Variants in PIKFYVE observed in about 807,000 individuals in gnomAD.
PIKFYVE encodes 1-phosphatidylinositol 3-phosphate 5-kinase.
PIKFYVE carries 122 observed loss-of-function variants against 257.9 expected under a neutral mutation model. The observed-to-expected ratio is 0.47, with a 90% confidence interval of 0.41 to 0.55. The LOEUF (loss-of-function observed/expected upper bound fraction) is 0.55, where lower values mean the gene tolerates loss of function less well. Ranked by LOEUF, PIKFYVE falls within the 20% of genes least tolerant of loss-of-function variation. The probability of loss-of-function intolerance (pLI) is 0.00; values close to 1 mark genes in which losing one functional copy is unlikely to be tolerated. For missense variants in PIKFYVE, 2,160 were observed against 2,536.6 expected (o/e 0.85, Z 3.19); for synonymous variants, 892 against 868.9 (o/e 1.03, Z -0.47).
At chr2:208,324,111 A>T in intron 17 of PIKFYVE, 31 bp from the exon 18 acceptor site, 1 of 1,603,942 alleles carries the variant, frequency 6.2e-7, no homozygotes, top group Non-Finnish European at 8.5e-7. Context: ...GCATTTTACC[A>T]GGTGTAATAT....
chr2:208,311,814 G>A (rs1694964610), intron 12 of PIKFYVE, among the ~76,000 whole-genome samples: 1 of 152,120 alleles, frequency 6.6e-6, no homozygotes, highest in Admixed American at 6.5e-5. Flanking sequence ...TATCAGGTGG[G>A]TTCTGTATGA....
intron 12 of PIKFYVE, 126 bp from the exon 13 acceptor site, chr2:208,312,110 G>A: frequency 1.4e-6 from 1 of 723,624 alleles, no homozygotes; most frequent in Non-Finnish European, 2.4e-6. Context: ...AATTTGCCGG[G>A]CAGTGATGGG....
At chr2:208,298,844 TC>T in intron 8 of PIKFYVE, 65 bp downstream of exon 8, 7 of 1,583,732 alleles carry the variant, frequency 4.4e-6, no homozygotes, top group Non-Finnish European at 6.1e-6. Flanking sequence ...TGTGACTGAG[TC>T]TTTTTTTTTC....
At chr2:208,284,051 G>T (rs1691204621) in intron 5 of PIKFYVE, among the ~76,000 whole-genome samples, 2 of 151,996 alleles carry the variant, frequency 1.3e-5, no homozygotes, top group Non-Finnish European at 2.9e-5. Context: ...AAAATTTTAG[G>T]TGGAATTATT....
intron 16 of PIKFYVE, among the ~76,000 whole-genome samples, chr2:208,318,236 G>A (rs952181835): frequency 1.3e-5 from 2 of 152,172 alleles, no homozygotes; most frequent in Admixed American, 6.5e-5. Context: ...ATCCTGTTAC[G>A]TCTTAGGGAG....
chr2:208,336,335 CT>C (rs1698138478), intron 27 of PIKFYVE, 135 bp downstream of exon 27: 3 of 937,140 alleles, frequency 3.2e-6, no homozygotes, highest in Non-Finnish European at 4.9e-6. Context: ...TTTCCTGTCA[CT>C]CTCCTTTCCT....
At position 208,304,157 on chromosome 2, in the gene PIKFYVE, C is replaced by T. The variant is rs770340064; in HGVS notation, c.1321-14C>T. On this transcript the variant is annotated splice_polypyrimidine_tract_variant and intron_variant, in intron 10 of 41. Coordinates refer to ENST00000264380, the MANE Select transcript of PIKFYVE (RefSeq NM_015040.4). ...TGAAGGCCAATTGCTTGGATCCTGTCTTCATCCTTTCAGAGTACAGAATTT... is the reference window on the plus strand; with the variant it reads ...TGAAGGCCAATTGCTTGGATCCTGTTTTCATCCTTTCAGAGTACAGAATTT... The T allele has an allele frequency of 3.7e-6, 6 of 1,613,846 alleles. No individual in the cohort carries two copies. The Admixed American group carries it at 1.0e-4, about 27-fold the overall frequency.
At chr2:208,301,186 G>A in intron 9 of PIKFYVE, 92 bp downstream of exon 9, 3 of 1,472,020 alleles carry the variant, frequency 2.0e-6, no homozygotes, top group Non-Finnish European at 2.8e-6. Context: ...TTTCTTTGTA[G>A]AGTTAGGGTG....
At chr2:208,278,598 C>T (rs1559394329) in intron 5 of PIKFYVE, among the ~76,000 whole-genome samples, 2 of 152,114 alleles carry the variant, frequency 1.3e-5, no homozygotes, top group East Asian at 3.9e-4. Flanking sequence ...CTATTGTTGC[C>T]ATCTTTATGT....
At position 208,336,948 on chromosome 2, in the gene PIKFYVE, C is replaced by G; in HGVS notation, c.4611+20C>G. 2 of 1,549,368 alleles carry G rather than the reference C, an allele frequency of 1.3e-6. No homozygotes were observed. The highest frequency in any genetic ancestry group is 1.8e-6 in the Non-Finnish European group (2 of 1,122,260). On this transcript the variant is annotated intron_variant, in intron 28 of 41. Transcript: ENST00000264380. ...AGCAAGGTATGAAATGTAGTCTTGT[C>G]TTTGGTCCTTAATCAATAGAAATAT...
At chr2:208,305,221 C>T (rs963528870) in intron 12 of PIKFYVE, 31 of 1,457,690 alleles carry the variant, frequency 2.1e-5, no homozygotes, top group African/African-American at 2.8e-5. Context: ...TCTCCCTCAG[C>T]ACCACCATGC....
In PIKFYVE at chr2:208,317,860, C is replaced by A; in HGVS notation, c.2008-7C>A. ...GAATTTTATTGTTTTCTTAATTGTT[C>A]CATTAGATCCCAGGTGGAAAGAAGT... On this transcript the variant is annotated splice_region_variant and splice_polypyrimidine_tract_variant and intron_variant, in intron 15 of 41. Coordinates refer to ENST00000264380, the MANE Select transcript of PIKFYVE (RefSeq NM_015040.4). The A allele has an allele frequency of 6.2e-7, 1 of 1,606,930 alleles. No homozygotes were observed. The highest frequency in any genetic ancestry group is 1.1e-5 in the South Asian group (1 of 90,930).
At chr2:208,275,281 A>G (rs1689956709) in intron 3 of PIKFYVE, among the ~76,000 whole-genome samples, 1 of 152,260 alleles carries the variant, frequency 6.6e-6, no homozygotes, top group South Asian at 2.1e-4. Context: ...ATCTTCAGCC[A>G]ACATCTGTGA....
At chr2:208,332,107 A>G (rs942339446) in intron 23 of PIKFYVE, among the ~76,000 whole-genome samples, 9 of 152,216 alleles carry the variant, frequency 5.9e-5, no homozygotes, top group African/African-American at 2.2e-4. Flanking sequence ...ATGACTAAAC[A>G]TAAATATATA....
At chr2:208,291,128 G>T (rs1692256104) in intron 7 of PIKFYVE, among the ~76,000 whole-genome samples, 1 of 152,132 alleles carries the variant, frequency 6.6e-6, no homozygotes, top group Non-Finnish European at 1.5e-5. Flanking sequence ...GATGTTAGCT[G>T]TATGTTGTTT....
intron 3 of PIKFYVE, among the ~76,000 whole-genome samples, chr2:208,274,505 T>C (rs1689851926): frequency 6.6e-6 from 1 of 152,194 alleles, no homozygotes; most frequent in Non-Finnish European, 1.5e-5. Context: ...GTGTGGCTGA[T>C]CTTCCCCCAG....
At chr2:208,271,449 T>G (rs1689408479) in intron 1 of PIKFYVE, 62 bp from the exon 2 acceptor site, 1 of 1,488,694 alleles carries the variant, frequency 6.7e-7, no homozygotes, top group Admixed American at 1.7e-5. Context: ...CGATGCTGTT[T>G]GGAATCAACT....
intron 5 of PIKFYVE, among the ~76,000 whole-genome samples, chr2:208,281,021 T>G (rs1396529855): frequency 6.6e-6 from 1 of 152,194 alleles, no homozygotes; most frequent in Non-Finnish European, 1.5e-5. Context: ...TAGCAGTAGT[T>G]CCTGCTGTAA....
At chr2:208,312,744 A>T (rs1244675759) in intron 13 of PIKFYVE, among the ~76,000 whole-genome samples, 2 of 152,074 alleles carry the variant, frequency 1.3e-5, no homozygotes, top group African/African-American at 2.4e-5. Flanking sequence ...ACTAACTCTG[A>T]TGATAAATTT....
Sources: gnomAD v4.1 joint callset for allele counts (sites outside exome capture counted in the v4.1 genomes callset) on GRCh38, gnomAD v4.1.1 for gene constraint, MANE v1.5 for transcripts, NCBI Gene and HGNC (gene_info 2026-07-23, HGNC 2026-07-21) for gene names.